LIMS1: variants seen among roughly 807,000 people sequenced by gnomAD.
LIMS1 encodes the protein LIM and senescent cell antigen-like-containing domain protein 1.
Under a neutral mutation model 44.1 loss-of-function variants are expected in LIMS1, and 18 were observed. The ratio of observed to expected loss-of-function variants is 0.41; its 90% confidence interval spans 0.28 to 0.61. The LOEUF (loss-of-function observed/expected upper bound fraction) is 0.61, where lower values mean the gene tolerates loss of function less well. Among genes scored for constraint, LIMS1 ranks in the 20% least tolerant of loss-of-function variants. The probability of loss-of-function intolerance (pLI) is 0.32; values close to 1 mark genes in which losing one functional copy is unlikely to be tolerated. For missense variants in LIMS1, 201 were observed against 422.0 expected (o/e 0.48, Z 4.59); for synonymous variants, 93 against 149.1 (o/e 0.62, Z 2.74).
intron 2 of LIMS1, among the ~76,000 whole-genome samples, chr2:108,665,656 A>G (rs1179638078): frequency 2.6e-5 from 4 of 151,876 alleles, no homozygotes; most frequent in African/African-American, 7.3e-5. Context: ...CCTCCTCAGT[A>G]GCTAGGAATC....
intron 1 of LIMS1, among the ~76,000 whole-genome samples, chr2:108,650,520 C>T (rs1471182551): frequency 6.6e-6 from 1 of 151,652 alleles, no homozygotes; most frequent in African/African-American, 2.4e-5. Flanking sequence ...TAGGTTCAGG[C>T]GATTCTCCTG....
chr2:108,537,352 A>G (rs1012074502), intron 1 of LIMS1, among the ~76,000 whole-genome samples: 2 of 152,266 alleles, frequency 1.3e-5, no homozygotes, highest in Non-Finnish European at 2.9e-5. Flanking sequence ...TTAAAAAGGA[A>G]CAAATACAAG....
rs939619579 is a variant in LIMS1 at position 108,563,749 on chromosome 2, G to T, written c.32+29155G>T. On this transcript the variant is annotated intron_variant, in intron 1 of 9. Coordinates refer to ENST00000544547, the Ensembl canonical transcript of LIMS1. ...AGTAAAGCAATGGCAGGGTTTGAGA[G>T]AATTGACTTCAATTTCGAATGTTCT... Among the ~76,000 whole-genome samples the T allele has an allele frequency of 2.0e-5, 3 of 152,252 alleles. No homozygotes were observed. In the East Asian group the frequency reaches 5.8e-4, roughly 29 times the overall value.
In LIMS1 at chr2:108,642,365, G is replaced by GT. The variant is rs1218993215; in HGVS notation, c.33-17228dup. Among the ~76,000 whole-genome samples the GT allele has an allele frequency of 4.0e-3, 63 of 15,764 alleles. 2 individuals carry two copies. The highest frequency in any genetic ancestry group is 0.016 in the South Asian group (5 of 318). The allele number at this position is 15,764 out of a possible 152,430, so 10.3% of individuals were successfully genotyped here. A position where few individuals can be genotyped will look rare whatever the true frequency, so the allele number is the denominator to read the frequency against. ...TTGTTTTTTTTTTTTTTTGTTTTTT[G>GT]TTTTTTTTTTTTGAGACGGAGTCTC... is the stretch of plus-strand genomic sequence containing the variant. On this transcript the variant is annotated intron_variant, in intron 1 of 9. Coordinates refer to ENST00000544547, the Ensembl canonical transcript of LIMS1.
chr2:108,552,588 G>GTA (rs1277630193), intron 1 of LIMS1, among the ~76,000 whole-genome samples: 2 of 97,656 alleles, frequency 2.0e-5, no homozygotes, highest in Non-Finnish European at 4.2e-5. Flanking sequence ...TATTTTGGGT[G>GTA]TGTGTGTGTG....
intron 1 of LIMS1, among the ~76,000 whole-genome samples, chr2:108,541,226 A>G (rs1684305560): frequency 6.6e-6 from 1 of 152,234 alleles, no homozygotes; most frequent in African/African-American, 2.4e-5. Flanking sequence ...AATGTTACCA[A>G]CTACTTAAAC....
chr2:108,548,151 T>G (rs1293685307), intron 1 of LIMS1, among the ~76,000 whole-genome samples: 1 of 152,224 alleles, frequency 6.6e-6, no homozygotes, highest in East Asian at 1.9e-4. Flanking sequence ...TGAAAAAATG[T>G]GGTTAAAGAT....
intron 1 of LIMS1, among the ~76,000 whole-genome samples, chr2:108,569,463 T>C (rs961085953): frequency 6.6e-6 from 1 of 152,186 alleles, no homozygotes; most frequent in Non-Finnish European, 1.5e-5. Context: ...TTTTATACTT[T>C]GGGGACTTAT....
At chr2:108,635,961 G>A (rs1477162019) in intron 1 of LIMS1, among the ~76,000 whole-genome samples, 1 of 152,080 alleles carries the variant, frequency 6.6e-6, no homozygotes, top group Non-Finnish European at 1.5e-5. Context: ...TGTCGGCCTG[G>A]GTCCAACCAG....
intron 2 of LIMS1, among the ~76,000 whole-genome samples, chr2:108,665,644 A>G (rs958414565): frequency 5.9e-5 from 9 of 151,986 alleles, no homozygotes; most frequent in Non-Finnish European, 1.3e-4. Flanking sequence ...CTCCTGCCTC[A>G]GCCTCCTCAG....
exon 6 of LIMS1, chr2:108,675,977 G>A (rs753234575): frequency 1.9e-6 from 3 of 1,614,040 alleles, no homozygotes; most frequent in South Asian, 1.1e-5. Context: ...CTTGCCGACG[G>A]CCCATCGAAG....
chr2:108,580,477 A>C (rs1685844440), intron 1 of LIMS1, among the ~76,000 whole-genome samples: 1 of 152,080 alleles, frequency 6.6e-6, no homozygotes, highest in Non-Finnish European at 1.5e-5. Context: ...CATGTGGATG[A>C]CATGACCACC....
At chr2:108,681,819 G>A (rs193147805) in intron 9 of LIMS1, among the ~76,000 whole-genome samples, 66 of 151,394 alleles carry the variant, frequency 4.4e-4, no homozygotes, top group African/African-American at 1.5e-3. Context: ...CTACTCAGGA[G>A]GCTGAGGCTG....
chr2:108,640,441 G>T (rs1689591966), intron 1 of LIMS1, among the ~76,000 whole-genome samples: 1 of 152,154 alleles, frequency 6.6e-6, no homozygotes, highest in Admixed American at 6.6e-5. Context: ...GCCTGTTGTG[G>T]GCAGTGTCTC....
intron 1 of LIMS1, among the ~76,000 whole-genome samples, chr2:108,563,342 G>A (rs191559929): frequency 9.1e-4 from 139 of 152,336 alleles, no homozygotes; most frequent in Non-Finnish European, 1.6e-3. Context: ...CAAGTAAAAT[G>A]AAAACCTTCT....
At chr2:108,645,820 CAA>C (rs57714697) in intron 1 of LIMS1, among the ~76,000 whole-genome samples, 11 of 103,678 alleles carry the variant, frequency 1.1e-4, no homozygotes, top group East Asian at 2.6e-4. Flanking sequence ...AAATGGAAAG[CAA>C]AAAAAAAAAA....
At chr2:108,556,631 T>G (rs1684932550) in intron 1 of LIMS1, among the ~76,000 whole-genome samples, 2 of 152,204 alleles carry the variant, frequency 1.3e-5, no homozygotes, top group Admixed American at 1.3e-4. Context: ...CTTCCCTCCC[T>G]TCCTTTGTTG....
chr2:108,551,624 A>C (rs112237271), intron 1 of LIMS1, among the ~76,000 whole-genome samples: 35 of 142,510 alleles, frequency 2.5e-4, no homozygotes, highest in African/African-American at 8.8e-4. Context: ...ATATGTATAT[A>C]TGTGTATATA....
intron 1 of LIMS1, among the ~76,000 whole-genome samples, chr2:108,613,493 G>GCCCT (rs1055102682): frequency 6.6e-6 from 1 of 151,694 alleles, no homozygotes; most frequent in Non-Finnish European, 1.5e-5. Flanking sequence ...CTGCCCTTCT[G>GCCCT]CCCTCCCTCC....
Sources: allele counts gnomAD v4.1 joint callset (sites outside exome capture counted in the v4.1 genomes callset), GRCh38; gene constraint gnomAD v4.1.1; transcripts MANE v1.5; gene names NCBI Gene and HGNC (gene_info 2026-07-23, HGNC 2026-07-21).